Variants in CCDC170 observed in about 807,000 individuals in gnomAD.
The protein encoded by CCDC170 is coiled-coil domain-containing protein 170.
Under a neutral mutation model 72.6 loss-of-function variants are expected in CCDC170, and 69 were observed. That is an observed-to-expected ratio of 0.95 (90% CI 0.78 to 1.16). The LOEUF (loss-of-function observed/expected upper bound fraction) is 1.16. Ranked by LOEUF, CCDC170 falls within the 50% of genes most tolerant of loss-of-function variation. CCDC170 has a pLI of 0.00. For missense variants in CCDC170, 852 were observed against 832.5 expected, an observed-to-expected ratio of 1.02 and a Z score of -0.29; for synonymous variants, 300 against 303.9, an observed-to-expected ratio of 0.99 and a Z score of 0.13.
chr6:151,575,615 C>T (rs910133585), intron 6 of CCDC170, among the ~76,000 whole-genome samples: 4 of 140,884 alleles, frequency 2.8e-5, no homozygotes, highest in South Asian at 2.4e-4. Flanking sequence ...CTGCAATCTC[C>T]GCCTCCCAGG....
rs533939902 is a variant in CCDC170 at position 151,596,255 on chromosome 6, A to G, written c.1468-80A>G. 9 of 1,402,094 alleles carry G rather than the reference A, an allele frequency of 6.4e-6. No homozygotes were observed. In the South Asian group the frequency reaches 1.1e-4, roughly 18 times the overall value. 86.9% of individuals were successfully genotyped at this position (1,402,094 alleles called of 1,614,324 possible). On this transcript the variant is annotated intron_variant, in intron 8 of 10. Coordinates refer to ENST00000239374, the MANE Select transcript of CCDC170 (RefSeq NM_025059.4). ...TACTCTTATTGAGGTGTAGATAGAG[A>G]TCAACATTATCTGGGTAACTCATTT... is the stretch of plus-strand genomic sequence containing the variant.
At chr6:151,553,808 C>T (rs189603065) in intron 5 of CCDC170, among the ~76,000 whole-genome samples, 5 of 152,006 alleles carry the variant, frequency 3.3e-5, no homozygotes, top group Admixed American at 1.3e-4. Context: ...TTGTGCCTCC[C>T]GAAGATTTAC....
intron 5 of CCDC170, among the ~76,000 whole-genome samples, chr6:151,551,365 T>C (rs9371537): frequency 0.16 from 24,106 of 152,182 alleles, 2,412 homozygotes; most frequent in East Asian, 0.5. Context: ...AAGTTAACTA[T>C]AATGCCGGAT....
intron 7 of CCDC170, among the ~76,000 whole-genome samples, chr6:151,589,438 C>T (rs986467594): frequency 2.6e-5 from 4 of 152,086 alleles, no homozygotes; most frequent in African/African-American, 9.7e-5. Context: ...CAAATTTGTC[C>T]CTCTCCTGCT....
chr6:151,500,879 C>T (rs1158769366), intron 1 of CCDC170, among the ~76,000 whole-genome samples: 1 of 152,002 alleles, frequency 6.6e-6, no homozygotes, highest in East Asian at 1.9e-4. Context: ...TGTAGATCAA[C>T]CAGACAAAAA....
intron 7 of CCDC170, among the ~76,000 whole-genome samples, chr6:151,589,003 C>A (rs1051800053): frequency 1.4e-4 from 22 of 152,148 alleles, no homozygotes; most frequent in Admixed American, 6.5e-4. Flanking sequence ...CCTATAATCT[C>A]AGCACTTTAG....
At chr6:151,541,438 A>G (rs1309726502) in intron 3 of CCDC170, among the ~76,000 whole-genome samples, 1 of 151,978 alleles carries the variant, frequency 6.6e-6, no homozygotes, top group African/African-American at 2.4e-5. Flanking sequence ...GCTGGCCTAA[A>G]ATTCCTGGGT....
chr6:151,512,179 AGAT>A (rs1388013316), intron 1 of CCDC170, among the ~76,000 whole-genome samples: 4 of 104,412 alleles, frequency 3.8e-5, no homozygotes, highest in African/African-American at 1.8e-4. Flanking sequence ...TTTTTTTTTG[AGAT>A]GGAGTCTCGC....
At chr6:151,532,973 GC>G (rs1348458507) in intron 1 of CCDC170, among the ~76,000 whole-genome samples, 3 of 152,038 alleles carry the variant, frequency 2.0e-5, no homozygotes, top group Non-Finnish European at 2.9e-5. Flanking sequence ...CCAGATCCCT[GC>G]CGCAGGGCCC....
At chr6:151,610,845 T>C (rs1776858864) in intron 9 of CCDC170, among the ~76,000 whole-genome samples, 1 of 152,246 alleles carries the variant, frequency 6.6e-6, no homozygotes, top group Admixed American at 6.5e-5. Flanking sequence ...GACATTTTAT[T>C]TTCTGCATAG....
At chr6:151,574,023 G>A (rs1229191807) in intron 6 of CCDC170, among the ~76,000 whole-genome samples, 1 of 152,208 alleles carries the variant, frequency 6.6e-6, no homozygotes, top group African/African-American at 2.4e-5. Flanking sequence ...GTAGTCACTT[G>A]AGGCCAGGAA....
chr6:151,540,225 T>C (rs1405419005), intron 3 of CCDC170, among the ~76,000 whole-genome samples: 2 of 152,066 alleles, frequency 1.3e-5, no homozygotes, highest in East Asian at 3.9e-4. Flanking sequence ...ATTCAGTTCC[T>C]GGTGAGGGTC....
intron 1 of CCDC170, among the ~76,000 whole-genome samples, chr6:151,504,697 G>C (rs1008254767): frequency 2.0e-5 from 3 of 152,078 alleles, no homozygotes; most frequent in East Asian, 1.9e-4. Context: ...GGGTAATGCT[G>C]ACCTTGATGT....
intron 6 of CCDC170, among the ~76,000 whole-genome samples, chr6:151,582,379 C>T (rs906339282): frequency 2.6e-5 from 4 of 152,220 alleles, no homozygotes; most frequent in Admixed American, 2.0e-4. Context: ...TCAAACTTTT[C>T]TTCTGCAGCT....
In CCDC170 at chr6:151,618,089, A is replaced by G. The variant is rs1379614349; in HGVS notation, c.2090A>G (p.Lys697Arg). The G allele has an allele frequency of 1.9e-6, 3 of 1,614,012 alleles. No individual in the cohort carries two copies. The highest frequency in any genetic ancestry group is 2.7e-5 in the African/African-American group (2 of 74,906). The change falls in exon 11 of 11, where the codon AAA (lysine) becomes AGA (arginine). Residue 697 changes from lysine to arginine, a missense_variant. By Grantham distance (26) the Lys-to-Arg change is conservative. Coordinates refer to ENST00000239374, the MANE Select transcript of CCDC170 (RefSeq NM_025059.4). ...CACTTTGTTACCTGTGCCTGCCTCA[A>G]AGATGTGACTACTGGGCAAGAGAGG... ...QHHFVTCACL[K>R]DVTTGQERHP... is the part of the protein sequence containing the mutation.
Position 151,573,573 on chromosome 6 carries a change from A to G in CCDC170, c.1092+82A>G, listed in dbSNP as rs1488434346. On this transcript the variant is annotated intron_variant, in intron 6 of 10. Coordinates refer to ENST00000239374, the MANE Select transcript of CCDC170 (RefSeq NM_025059.4). Reference sequence around the variant, plus strand: ...GCATGCTCAGTGACTGTATTAGTCTATTCTCACGCTGCTATAAGAAATACC... The same window carrying G: ...GCATGCTCAGTGACTGTATTAGTCTGTTCTCACGCTGCTATAAGAAATACC... The G allele has an allele frequency of 2.3e-6, 3 of 1,280,098 alleles. No homozygotes were observed. The African/African-American group carries it at 4.5e-5, about 19-fold the overall frequency. The allele number at this position is 1,280,098 out of a possible 1,614,324, so 79.3% of individuals were successfully genotyped here. A position where few individuals can be genotyped will look rare whatever the true frequency, so the allele number is the denominator to read the frequency against.
At chr6:151,540,880 C>T (rs952740653) in intron 3 of CCDC170, among the ~76,000 whole-genome samples, 6 of 152,184 alleles carry the variant, frequency 3.9e-5, no homozygotes, top group Non-Finnish European at 8.8e-5. Context: ...GTGCCCCCTG[C>T]AGCCAGAATG....
intron 3 of CCDC170, among the ~76,000 whole-genome samples, chr6:151,539,254 C>G (rs928970643): frequency 9.4e-6 from 1 of 106,022 alleles, no homozygotes; most frequent in African/African-American, 2.7e-5. Flanking sequence ...AAGAGAGACT[C>G]TGTCTCAAAA....
At position 151,544,633 on chromosome 6, in the gene CCDC170, G is replaced by A. The variant is rs1414415077; in HGVS notation, c.505G>A (p.Glu169Lys). ...AGTTTCAAAGAATTGCAGGAAACAT[G>A]AGGAATTTCTGACTCAACTGCGTGA... ...KQVSKNCRKH[E>K]EFLTQLRDCL... The change falls in exon 4 of 11, where the codon GAG becomes AAG. Residue 169 changes from glutamate (E) to lysine (K), a missense_variant. Glu to Lys is a moderately conservative substitution (Grantham distance 56). Transcript: ENST00000239374. 1 of 1,613,784 alleles carries A rather than the reference G, an allele frequency of 6.2e-7. No individual in the cohort carries two copies. The highest frequency in any genetic ancestry group is 8.5e-7 in the Non-Finnish European group (1 of 1,179,708).
Sources: gnomAD v4.1 joint callset for allele counts (sites outside exome capture counted in the v4.1 genomes callset) on GRCh38, gnomAD v4.1.1 for gene constraint, MANE v1.5 for transcripts, NCBI Gene and HGNC (gene_info 2026-07-23, HGNC 2026-07-21) for gene names.